Variants in NMBR observed in about 807,000 individuals in gnomAD.
The protein encoded by NMBR is neuromedin B receptor, also known as neuromedin-B receptor.
Under a neutral mutation model 20.5 loss-of-function variants are expected in NMBR, and 16 were observed. The ratio of observed to expected loss-of-function variants is 0.78; its 90% CI spans 0.53 to 1.19. The LOEUF is 1.19. NMBR is among the 50% of genes most tolerant of loss of function. The pLI is 0.00. For synonymous variants in NMBR, 212 were observed against 196.6 expected (o/e 1.08, Z -0.65); for missense variants, 582 against 499.1 (o/e 1.17, Z -1.58).
intron 1 of NMBR, among the ~76,000 whole-genome samples, chr6:142,106,892 G>A (rs1208026077): frequency 6.6e-6 from 1 of 152,172 alleles, no homozygotes; most frequent in Non-Finnish European, 1.5e-5. Flanking sequence ...TAAAACAATG[G>A]TAAGAGTTTC....
chr6:142,078,681 G>T lies in NMBR; in HGVS notation c.645C>A (p.Leu215=). 1 of 1,613,798 alleles carries T rather than the reference G, an allele frequency of 6.2e-7. No individual in the cohort carries two copies. Among genetic ancestry groups the T allele is most frequent in the South Asian group, 1.1e-5 (1 of 91,034 alleles). The stretch of plus-strand genomic sequence containing the variant: ...GTATGAGGAAATAGACCAAGAAAAT[G>T]AGCACTGAATGAATCTTTGGATGTA... ...DELHPKIHSV[L]IFLVYFLIPL... is the part of the protein sequence containing the mutation. The change falls in exon 3 of 4, where the codon CTC becomes CTA. Residue 215 remains leucine, a synonymous_variant. Transcript: ENST00000258042.
rs531410722 is a variant in NMBR at position 142,077,678 on chromosome 6, G to A, written c.771+877C>T. Reference sequence around the variant, plus strand: ...TTCTGCTGTTGCTAACATGCCCAAGGCCCCAGCCTAATGCTCCATCTATGT... The same window carrying A: ...TTCTGCTGTTGCTAACATGCCCAAGACCCCAGCCTAATGCTCCATCTATGT... On this transcript the variant is annotated intron_variant, in intron 3 of 3. Transcript: ENST00000258042. Among the ~76,000 whole-genome samples, 4 of 152,190 alleles carry A rather than the reference G, an allele frequency of 2.6e-5. No homozygotes were observed. In the East Asian group the frequency reaches 7.7e-4, roughly 29 times the overall value.
chr6:142,130,833 T>C (rs1431076481), intron 1 of NMBR, among the ~76,000 whole-genome samples: 2 of 152,084 alleles, frequency 1.3e-5, no homozygotes, highest in African/African-American at 2.4e-5. Context: ...CTGACAACAA[T>C]GGACCAGGGA....
At chr6:142,106,345 C>T (rs1276296060) in intron 1 of NMBR, among the ~76,000 whole-genome samples, 2 of 152,138 alleles carry the variant, frequency 1.3e-5, no homozygotes, top group Admixed American at 1.3e-4. Context: ...TGTCTCTAGA[C>T]CTCATCATGT....
chr6:142,098,497 A>C (rs1777501582), intron 1 of NMBR, among the ~76,000 whole-genome samples: 1 of 152,176 alleles, frequency 6.6e-6, no homozygotes, highest in African/African-American at 2.4e-5. Flanking sequence ...AATAAAAATT[A>C]ATATACAAAA....
chr6:142,091,706 T>G (rs920326404), intron 1 of NMBR, among the ~76,000 whole-genome samples: 18 of 152,220 alleles, frequency 1.2e-4, no homozygotes, highest in African/African-American at 4.1e-4. Context: ...AAATTTATTG[T>G]ATTTGAAATC....
intron 1 of NMBR, among the ~76,000 whole-genome samples, chr6:142,128,113 G>T (rs1161070511): frequency 6.6e-6 from 1 of 152,038 alleles, no homozygotes; most frequent in African/African-American, 2.4e-5. Flanking sequence ...GTGAGTGAGT[G>T]CTCGTGAGAT....
chr6:142,092,320 C>T (rs1227843477), intron 1 of NMBR, among the ~76,000 whole-genome samples: 1 of 151,944 alleles, frequency 6.6e-6, no homozygotes, highest in African/African-American at 2.4e-5. Flanking sequence ...CAAATAAAAA[C>T]TTAGTAGATA....
chr6:142,088,357 G>A lies in NMBR; in HGVS notation c.302C>T (p.Ala101Val), dbSNP rs1443692825. ...LLLLTCVPVD[A>V]SRYFFDEWMF... ...CCACTCGTCGAAGAAGTAGCGCGAG[G>A]CGTCCACCGGGACGCAGGTGAGCAG... The change falls in exon 2 of 4, where the codon GCC (alanine) becomes GTC (valine). Residue 101 changes from alanine to valine, a missense_variant. By Grantham distance (64) the Ala-to-Val change is moderately conservative. Transcript: ENST00000258042. 2 of 1,614,036 alleles carry A rather than the reference G, an allele frequency of 1.2e-6. No individual in the cohort carries two copies. The highest frequency in any genetic ancestry group is 1.7e-6 in the Non-Finnish European group (2 of 1,180,044).
chr6:142,079,009 G>T (rs1440088190), intron 2 of NMBR, 106 bp from the exon 3 acceptor site: 1 of 597,018 alleles, frequency 1.7e-6, no homozygotes, highest in Admixed American at 3.7e-5. Context: ...AGAGAGAAAG[G>T]AAGAAAGGGA....
intron 1 of NMBR, among the ~76,000 whole-genome samples, chr6:142,140,313 T>C (rs1582866807): frequency 6.6e-6 from 1 of 152,100 alleles, no homozygotes; most frequent in Admixed American, 6.6e-5. Flanking sequence ...ATAAGATTCT[T>C]GTAATATATG....
At position 142,122,960 on chromosome 6, in the gene NMBR, G is replaced by C. The variant is rs113680362; in HGVS notation, c.-664+24084C>G. ...CTGCTAACACAATATCTGTTCTGCAGCCAATGGGAAAAGGAGTAATTTCAA... is the reference window on the plus strand; with the variant it reads ...CTGCTAACACAATATCTGTTCTGCACCCAATGGGAAAAGGAGTAATTTCAA... On this transcript the variant is annotated intron_variant, in intron 1 of 3. Transcript: ENST00000258042. Among the ~76,000 whole-genome samples, 544 of 152,022 alleles carry C rather than the reference G, an allele frequency of 3.6e-3. 3 individuals carry two copies. Among genetic ancestry groups the C allele is most frequent in the African/African-American group, 0.011 (469 of 41,502 alleles).
At chr6:142,111,322 C>T (rs1162857361) in intron 1 of NMBR, among the ~76,000 whole-genome samples, 3 of 151,676 alleles carry the variant, frequency 2.0e-5, no homozygotes, top group Non-Finnish European at 4.4e-5. Flanking sequence ...CCCTACACAA[C>T]AAAACCTGTT....
At position 142,146,667 on chromosome 6, in the gene NMBR, G is replaced by A. The variant is rs201824880; in HGVS notation, c.-664+377C>T. 1.1e-4 allele frequency among the ~76,000 whole-genome samples: 17 copies of A among 152,132 alleles called. No homozygotes were observed. The East Asian group carries it at 2.1e-3, about 19-fold the overall frequency. ...TCACTAAAATACGTACTAGCCAGCTGAGAACAAAAGTTCAATCTTCTTTAA... is the reference window on the plus strand; with the variant it reads ...TCACTAAAATACGTACTAGCCAGCTAAGAACAAAAGTTCAATCTTCTTTAA... On this transcript the variant is annotated intron_variant, in intron 1 of 3. Transcript: ENST00000258042.
At chr6:142,113,389 G>T (rs1224136611) in intron 1 of NMBR, among the ~76,000 whole-genome samples, 1 of 152,022 alleles carries the variant, frequency 6.6e-6, no homozygotes. Context: ...ACTGCTAAAG[G>T]ATTCATGAAT....
At position 142,140,607 on chromosome 6, in the gene NMBR, T is replaced by C. The variant is rs188134423; in HGVS notation, c.-664+6437A>G. On this transcript the variant is annotated intron_variant, in intron 1 of 3. Transcript: ENST00000258042. ...AAAAGATCCTGGCACTCCAAAAACA[T>C]AGAGATTGTCTAAATGTATCTTTTA... is the stretch of plus-strand genomic sequence containing the variant. Among the ~76,000 whole-genome samples, 929 of 152,172 alleles carry C rather than the reference T, an allele frequency of 6.1e-3. 6 individuals are homozygous for C. The highest frequency in any genetic ancestry group is 1.0e-2 in the Non-Finnish European group (679 of 67,956).
chr6:142,087,186 T>C (rs1777215165), intron 2 of NMBR, among the ~76,000 whole-genome samples: 1 of 152,164 alleles, frequency 6.6e-6, no homozygotes, highest in Admixed American at 6.5e-5. Context: ...AATGCCAAAG[T>C]AGTATTCCAG....
intron 1 of NMBR, among the ~76,000 whole-genome samples, chr6:142,131,836 T>C (rs1010895719): frequency 3.9e-5 from 6 of 152,218 alleles, no homozygotes; most frequent in Non-Finnish European, 5.9e-5. Flanking sequence ...TGATGATTTC[T>C]ACATGTCTGA....
chr6:142,116,488 T>C (rs996633698), intron 1 of NMBR, among the ~76,000 whole-genome samples: 1 of 152,008 alleles, frequency 6.6e-6, no homozygotes, highest in Non-Finnish European at 1.5e-5. Flanking sequence ...CATCCACTAA[T>C]AGCAGTATTG....
Sources: allele counts gnomAD v4.1 joint callset (sites outside exome capture counted in the v4.1 genomes callset), GRCh38; gene constraint gnomAD v4.1.1; transcripts MANE v1.5; gene names NCBI Gene and HGNC (gene_info 2026-07-23, HGNC 2026-07-21).